The following ABHD5 variants were observed in gnomAD, a reference collection of about 807,000 sequenced individuals.
ABHD5 encodes the protein abhydrolase domain containing 5, lysophosphatidic acid acyltransferase, also known as 1-acylglycerol-3-phosphate O-acyltransferase ABHD5.
A neutral mutation model predicts 44.9 loss-of-function variants in ABHD5; 30 were observed. That is an observed-to-expected ratio of 0.67 (90% CI 0.50 to 0.91). The LOEUF is 0.91. Among genes scored for constraint, ABHD5 ranks in the 40% least tolerant of loss-of-function variants. The probability of loss-of-function intolerance (pLI) is 0.00; values close to 1 mark genes in which losing one functional copy is unlikely to be tolerated. For synonymous variants in ABHD5, 167 were observed against 147.0 expected (o/e 1.14, Z -0.99); for missense variants, 399 against 423.4 (o/e 0.94, Z 0.50).
chr3:43,701,557 G>A (rs1277308745), intron 2 of ABHD5, among the ~76,000 whole-genome samples: 4 of 152,172 alleles, frequency 2.6e-5, no homozygotes, highest in African/African-American at 9.7e-5. Context: ...AGGTAAAAAA[G>A]AGTTTTGGTC....
At chr3:43,706,291 G>C (rs2084617856) in intron 3 of ABHD5, among the ~76,000 whole-genome samples, 1 of 152,168 alleles carries the variant, frequency 6.6e-6, no homozygotes, top group African/African-American at 2.4e-5. Flanking sequence ...TTATTATGCT[G>C]TCATGATATT....
chr3:43,705,689 A>G (rs2084609619), intron 3 of ABHD5, among the ~76,000 whole-genome samples: 2 of 152,106 alleles, frequency 1.3e-5, no homozygotes, highest in Non-Finnish European at 2.9e-5. Flanking sequence ...CCTTCTCCCT[A>G]GCTTTTTTCC....
chr3:43,711,775 C>G lies in ABHD5; in HGVS notation c.573C>G (p.Asp191Glu). 3 of 1,614,204 alleles carry G rather than the reference C, an allele frequency of 1.9e-6. No homozygotes were observed. The highest frequency in any genetic ancestry group is 4.5e-5 in the East Asian group (2 of 44,882). ...AACGACCAGACCTTGCTGATCAAGA[C>G]AGACCAATTCCAGTTTGGATCAGAG... ...FPERPDLADQ[D>E]RPIPVWIRAL... The change falls in exon 4 of 7, where the codon GAC (aspartate) becomes GAG (glutamate). Residue 191 changes from aspartate (D) to glutamate (E), a missense_variant. Asp to Glu is a conservative substitution (Grantham distance 45, BLOSUM62 2). Coordinates refer to ENST00000644371, the MANE Select transcript of ABHD5 (RefSeq NM_016006.6).
chr3:43,725,850 T>G (rs747871965), downstream of ABHD5, among the ~76,000 whole-genome samples: 1 of 127,506 alleles, frequency 7.8e-6, no homozygotes, highest in Non-Finnish European at 1.6e-5. Flanking sequence ...GTTTCCTAGT[T>G]TTTTTTTTTG....
At chr3:43,706,694 T>TC (rs2084624260) in intron 3 of ABHD5, among the ~76,000 whole-genome samples, 1 of 152,164 alleles carries the variant, frequency 6.6e-6, no homozygotes, top group African/African-American at 2.4e-5. Context: ...CCTCGAATGA[T>TC]CCTCCTGCCT....
intron 7 of ABHD5, among the ~76,000 whole-genome samples, chr3:43,731,851 ATAAAAATTAAAAT>A (rs1386735881): frequency 1.3e-5 from 2 of 152,080 alleles, no homozygotes; most frequent in Admixed American, 1.3e-4. Context: ...AAATAAATAA[ATAAAAATTAAAAT>A]TAAAAATTAA....
intron 6 of ABHD5, 131 bp downstream of exon 6, chr3:43,717,988 G>A (rs1452424022): frequency 1.7e-5 from 20 of 1,156,072 alleles, no homozygotes; most frequent in Admixed American, 1.1e-4. Flanking sequence ...AGTCGGGGAC[G>A]TGATACCACC....
intron 1 of ABHD5, among the ~76,000 whole-genome samples, chr3:43,697,679 G>T (rs1339344930): frequency 6.6e-6 from 1 of 152,114 alleles, no homozygotes; most frequent in Non-Finnish European, 1.5e-5. Flanking sequence ...ATGAAGTACT[G>T]GAAAAAGTAC....
chr3:43,723,753 TAA>T (rs1426748158), downstream of ABHD5, among the ~76,000 whole-genome samples: 4 of 150,852 alleles, frequency 2.7e-5, no homozygotes, highest in Admixed American at 2.6e-4. Flanking sequence ...AGCTGCAAAA[TAA>T]AAGTGTTAAT....
chr3:43,702,285 C>G lies in ABHD5; in HGVS notation c.204C>G (p.Phe68Leu). 2 of 1,601,556 alleles carry G rather than the reference C, an allele frequency of 1.2e-6. No individual in the cohort carries two copies. Among genetic ancestry groups the G allele is most frequent in the Non-Finnish European group, 1.7e-6 (2 of 1,171,206 alleles). Reference protein sequence around the residue: ...SNGNKIWTLKFSHNISNKTPL... With the variant: ...SNGNKIWTLKLSHNISNKTPL... ...GAAATAAAATATGGACACTGAAGTT[C>G]TCTCATAATATTTCAAATAAGACTC... Residue 68 changes from phenylalanine (F) to leucine (L), a missense_variant, in exon 3 of 7, where the codon TTC (phenylalanine) becomes TTG (leucine). Phe to Leu is a conservative substitution (Grantham distance 22). Coordinates refer to ENST00000644371, the MANE Select transcript of ABHD5 (RefSeq NM_016006.6).
chr3:43,710,859 T>C (rs2084680359), intron 3 of ABHD5, among the ~76,000 whole-genome samples: 1 of 152,216 alleles, frequency 6.6e-6, no homozygotes, highest in Admixed American at 6.5e-5. Context: ...TTGGAATCTT[T>C]ATGATGTTTA....
chr3:43,694,258 CAAAA>C (rs80129256), intron 1 of ABHD5, among the ~76,000 whole-genome samples: 11 of 45,546 alleles, frequency 2.4e-4, no homozygotes, highest in African/African-American at 3.2e-4. Context: ...GACTCCGTCT[CAAAA>C]AAAAAAAAAA....
chr3:43,692,758 G>A (rs1362542527), intron 1 of ABHD5, among the ~76,000 whole-genome samples: 3 of 152,134 alleles, frequency 2.0e-5, no homozygotes, highest in Non-Finnish European at 4.4e-5. Flanking sequence ...GGAACCCTTT[G>A]TGGAACCCTT....
chr3:43,715,117 GTGTT>G (rs1269296993), intron 5 of ABHD5, 59 bp downstream of exon 5: 4 of 1,124,102 alleles, frequency 3.6e-6, no homozygotes, highest in Non-Finnish European at 5.3e-6. Flanking sequence ...GTGTGTGTGT[GTGTT>G]TGTGTGTGTT....
chr3:43,692,718 C>T (rs953260690), intron 1 of ABHD5, among the ~76,000 whole-genome samples: 15 of 152,322 alleles, frequency 9.8e-5, no homozygotes, highest in African/African-American at 3.1e-4. Context: ...AGGCTGCTAA[C>T]AGCCTGCCAG....
At chr3:43,710,482 G>A (rs985592250) in intron 3 of ABHD5, among the ~76,000 whole-genome samples, 1 of 152,104 alleles carries the variant, frequency 6.6e-6, no homozygotes, top group African/African-American at 2.4e-5. Flanking sequence ...GTTATGTACC[G>A]GAGCAGGTCA....
chr3:43,703,182 C>CTTT (rs56246222), intron 3 of ABHD5, among the ~76,000 whole-genome samples: 4 of 147,302 alleles, frequency 2.7e-5, no homozygotes, highest in Admixed American at 6.8e-5. Context: ...CTTTCTTTAA[C>CTTT]TTTTTTTTTT....
rs777163562 is a variant in ABHD5, at chr3:43,718,469, A to G, written c.987A>G (p.Val329=). Residue 329 remains valine, a synonymous_variant, in exon 7 of 7, where the codon GTA becomes GTG. Transcript: ENST00000644371. The stretch of plus-strand genomic sequence containing the variant: ...CTATTCTTGGGGCAGGACATTATGT[A>G]TATGCAGATCAACCAGAAGAATTCA... The part of the protein sequence containing the change: ...TIAILGAGHY[V]YADQPEEFNQ... 2 of 1,614,104 alleles carry G rather than the reference A, an allele frequency of 1.2e-6. No homozygotes were observed. The highest frequency in any genetic ancestry group is 1.1e-5 in the South Asian group (1 of 91,090).
At chr3:43,699,166 A>G in intron 1 of ABHD5, 110 bp from the exon 2 acceptor site, 1 of 926,594 alleles carries the variant, frequency 1.1e-6, no homozygotes, top group Non-Finnish European at 1.8e-6. Context: ...TAGCTTTACC[A>G]TCACACAGGT....
Sources: gnomAD v4.1 joint callset for allele counts (sites outside exome capture counted in the v4.1 genomes callset) on GRCh38, gnomAD v4.1.1 for gene constraint, MANE v1.5 for transcripts, NCBI Gene and HGNC (gene_info 2026-07-23, HGNC 2026-07-21) for gene names.